TRIP11: variants seen among roughly 807,000 people sequenced by gnomAD.
TRIP11 encodes the protein thyroid hormone receptor interactor 11.
Under a neutral mutation model 223.1 loss-of-function variants are expected in TRIP11, and 148 were observed. The observed-to-expected ratio is 0.66, with a 90% CI of 0.58 to 0.76. The LOEUF (loss-of-function observed/expected upper bound fraction) is 0.76, where lower values mean the gene tolerates loss of function less well. TRIP11 is among the 30% of genes least tolerant of loss of function. The probability of loss-of-function intolerance (pLI) is 0.00; values close to 1 mark genes in which losing one functional copy is unlikely to be tolerated. For missense variants in TRIP11, 2,043 were observed against 2,222.0 expected, an observed-to-expected ratio of 0.92 and a Z score of 1.62; for synonymous variants, 762 against 772.6, an observed-to-expected ratio of 0.99 and a Z score of 0.23.
chr14:92,021,501 T>C, intron 4 of TRIP11, 55 bp downstream of exon 4: 2 of 1,578,974 alleles, frequency 1.3e-6, no homozygotes, highest in Non-Finnish European at 1.7e-6. Flanking sequence ...GTTTTTTATA[T>C]TACACCAGTA....
chr14:91,999,570 G>A, intron 12 of TRIP11, 137 bp from the exon 13 acceptor site: 1 of 959,526 alleles, frequency 1.0e-6, no homozygotes, highest in South Asian at 1.5e-5. Flanking sequence ...ATGTATTTAT[G>A]CTAGGAAAAA....
intron 17 of TRIP11, among the ~76,000 whole-genome samples, chr14:91,975,691 C>T (rs2056455467): frequency 6.6e-6 from 1 of 151,778 alleles, no homozygotes; most frequent in African/African-American, 2.4e-5. Flanking sequence ...TAAAAATTTA[C>T]TAATAATATA....
intron 5 of TRIP11, among the ~76,000 whole-genome samples, chr14:92,016,358 T>A (rs997045267): frequency 1.4e-4 from 21 of 152,086 alleles, no homozygotes; most frequent in Non-Finnish European, 3.1e-4. Flanking sequence ...TTGAGCTGAG[T>A]CCATCGACTA....
At chr14:92,007,305 T>G (rs1405225457) in intron 10 of TRIP11, among the ~76,000 whole-genome samples, 1 of 152,208 alleles carries the variant, frequency 6.6e-6, no homozygotes, top group Non-Finnish European at 1.5e-5. Context: ...ATGACAGGCA[T>G]GAGCCACTGC....
At chr14:91,971,752 T>C (rs562208213) in intron 20 of TRIP11, among the ~76,000 whole-genome samples, 2 of 152,308 alleles carry the variant, frequency 1.3e-5, no homozygotes, top group Admixed American at 6.5e-5. Context: ...TTATGACTTT[T>C]CACAAAATTT....
At chr14:92,025,929 T>G (rs746056859) in intron 2 of TRIP11, among the ~76,000 whole-genome samples, 7 of 150,530 alleles carry the variant, frequency 4.7e-5, no homozygotes, top group Non-Finnish European at 1.0e-4. Flanking sequence ...AGAATATGCA[T>G]AATTCTAAAC....
rs984504900 is a variant in TRIP11, at chr14:92,018,905, G to A, written c.589-1155C>T. On this transcript the variant is annotated intron_variant, in intron 4 of 20. Transcript: ENST00000267622. ...GAACCTGGGAGGCAGAGGTTGCAGT[G>A]AGCCGAGATCCCACCACTGCACTCC... is the stretch of plus-strand genomic sequence containing the variant. 2.2e-5 allele frequency among the ~76,000 whole-genome samples: 3 copies of A among 135,470 alleles called. No homozygotes were observed. In the Admixed American group the frequency reaches 2.5e-4, roughly 11 times the overall value. 88.9% of individuals were successfully genotyped at this position (135,470 alleles called of 152,430 possible).
chr14:92,033,076 A>C (rs2057286273), intron 2 of TRIP11, 116 bp downstream of exon 2: 2 of 769,888 alleles, frequency 2.6e-6, no homozygotes, highest in Admixed American at 4.7e-5. Context: ...AAAATTAAAC[A>C]AGAAGAGAAA....
At position 92,006,086 on chromosome 14, in the gene TRIP11, A is replaced by AGAC. The variant is rs1362076614; in HGVS notation, c.1887_1889dup (p.Ser630dup). On this transcript the variant is annotated inframe_insertion, in exon 11 of 21. Coordinates refer to ENST00000267622, the MANE Select transcript of TRIP11 (RefSeq NM_004239.4). The stretch of plus-strand genomic sequence containing the variant: ...AATTACTATTAGAGTCTTGATTTAG[A>AGAC]GACTGCATTAACTCATTCCTTATTC... The AGAC allele has an allele frequency of 6.3e-7, 1 of 1,592,976 alleles. No individual in the cohort carries two copies. The highest frequency in any genetic ancestry group is 1.2e-5 in the South Asian group (1 of 85,892).
rs1376308956 is a variant in TRIP11 at position 92,005,093 on chromosome 14, C to T, written c.2883G>A (p.Lys961=). 2 of 1,613,766 alleles carry T rather than the reference C, an allele frequency of 1.2e-6. No homozygotes were observed. Among genetic ancestry groups the T allele is most frequent in the Non-Finnish European group, 1.7e-6 (2 of 1,180,020 alleles). ...TTTGCAAACTCTTAATTTCCTCATC[C>T]TTCTCTAAAAAGAGCTGGGTGTGTG... The part of the protein sequence containing the change: ...NATHTQLFLE[K]DEEIKSLQKT... Residue 961 remains lysine, a synonymous_variant, in exon 11 of 21, where the codon AAG becomes AAA. Coordinates refer to ENST00000267622, the MANE Select transcript of TRIP11 (RefSeq NM_004239.4).
intron 16 of TRIP11, 107 bp downstream of exon 16, chr14:91,988,177 C>T: frequency 1.2e-6 from 1 of 800,060 alleles, no homozygotes. Context: ...GGAAGTCACA[C>T]ATCAATGAAG....
chr14:92,015,298 G>C (rs1277029375), intron 6 of TRIP11, among the ~76,000 whole-genome samples: 1 of 152,150 alleles, frequency 6.6e-6, no homozygotes, highest in Non-Finnish European at 1.5e-5. Context: ...CAAGTTTACA[G>C]CACTGTCCTG....
intron 5 of TRIP11, 122 bp downstream of exon 5, chr14:92,017,560 G>A (rs1436340295): frequency 1.3e-6 from 1 of 768,030 alleles, no homozygotes. Context: ...AGAAAAAGAA[G>A]TACCATAATC....
At chr14:92,023,329 A>C (rs1011101642) in intron 3 of TRIP11, among the ~76,000 whole-genome samples, 2 of 152,268 alleles carry the variant, frequency 1.3e-5, no homozygotes, top group African/African-American at 4.8e-5. Flanking sequence ...ATTTGAGAAC[A>C]TTCTCATAAA....
chr14:91,972,020 G>T (rs541647593), intron 20 of TRIP11, among the ~76,000 whole-genome samples: 97 of 152,148 alleles, frequency 6.4e-4, no homozygotes, highest in African/African-American at 2.2e-3. Flanking sequence ...TTCCAATAAA[G>T]AATTTGTTTA....
At chr14:91,995,249 T>C (rs2056734891) in intron 14 of TRIP11, 103 bp downstream of exon 14, 8 of 1,424,160 alleles carry the variant, frequency 5.6e-6, no homozygotes, top group Admixed American at 1.7e-5. Flanking sequence ...GTGGGTAACC[T>C]TTCAGAGATT....
chr14:92,006,712 G>A (rs888978294), intron 10 of TRIP11, among the ~76,000 whole-genome samples: 5 of 150,532 alleles, frequency 3.3e-5, no homozygotes, highest in East Asian at 4.0e-4. Flanking sequence ...ATCTCGGCTC[G>A]GCGCAATCTC....
intron 15 of TRIP11, 47 bp from the exon 16 acceptor site, chr14:91,988,430 A>T: frequency 6.6e-7 from 1 of 1,517,140 alleles, no homozygotes; most frequent in Non-Finnish European, 9.1e-7. Flanking sequence ...AAATTATTTC[A>T]CAAACTATAA....
At position 92,039,799 on chromosome 14, in the gene TRIP11, T is replaced by C. The variant is rs2057365087; in HGVS notation, c.-114A>G. 7 of 1,546,910 alleles carry C rather than the reference T, an allele frequency of 4.5e-6. No individual in the cohort carries two copies. The highest frequency in any genetic ancestry group is 6.1e-6 in the Non-Finnish European group (7 of 1,144,992). ...CCTGCCTTCGCGAGACAGGATACGA[T>C]AACACAAAGCTGGGTTCTCAGGCAA... On this transcript the variant is annotated 5_prime_UTR_variant, in exon 1 of 21. Transcript: ENST00000267622.
Sources: allele counts gnomAD v4.1 joint callset (sites outside exome capture counted in the v4.1 genomes callset), GRCh38; gene constraint gnomAD v4.1.1; transcripts MANE v1.5; gene names NCBI Gene and HGNC (gene_info 2026-07-23, HGNC 2026-07-21).